TF: variants seen among roughly 807,000 people sequenced by gnomAD.
TF encodes serotransferrin.
TF carries 55 observed loss-of-function variants against 82.4 expected under a neutral mutation model. The ratio of observed to expected loss-of-function variants is 0.67; its 90% confidence interval spans 0.54 to 0.84. The LOEUF (loss-of-function observed/expected upper bound fraction) is 0.84, where lower values mean the gene tolerates loss of function less well. Among genes scored for constraint, TF ranks in the 40% least tolerant of loss-of-function variants. The pLI is 0.00. For synonymous variants in TF, 332 were observed against 332.6 expected (o/e 1.00, Z 0.02); for missense variants, 737 against 868.4 (o/e 0.85, Z 1.90).
At chr3:133,729,921 G>C in the TF span, among the ~76,000 whole-genome samples, 1 of 151,920 alleles carries the variant, frequency 6.6e-6, no homozygotes, top group African/African-American at 2.4e-5. Flanking sequence ...GTATCCCACT[G>C]ATCTTCCTTA....
At chr3:133,739,434 G>A in the TF span, among the ~76,000 whole-genome samples, 33 of 152,220 alleles carry the variant, frequency 2.2e-4, no homozygotes, top group African/African-American at 7.7e-4. Context: ...AACACCAAAA[G>A]CAATGGCGAC....
chr3:133,764,137 G>A, intron 9 of TF, 45 bp from the exon 10 acceptor site: 3 of 1,563,736 alleles, frequency 1.9e-6, no homozygotes, highest in Non-Finnish European at 2.6e-6. Context: ...GGTGGCACAG[G>A]AAACAGCCTC....
At chr3:133,672,739 GGGAAGGGGAGGGAAA>G in the TF span, among the ~76,000 whole-genome samples, 37 of 143,142 alleles carry the variant, frequency 2.6e-4, no homozygotes, top group Non-Finnish European at 3.4e-4. Context: ...GGGAAGGGAG[GGGAAGGGGAGGGAAA>G]GGAAGGGGAG....
the TF span, among the ~76,000 whole-genome samples, chr3:133,717,507 A>G: frequency 6.6e-6 from 1 of 152,150 alleles, no homozygotes; most frequent in African/African-American, 2.4e-5. Flanking sequence ...CTGGAGGGAA[A>G]TGTTTGCAAC....
chr3:133,731,271 G>C, the TF span, among the ~76,000 whole-genome samples: 1 of 152,184 alleles, frequency 6.6e-6, no homozygotes, highest in Non-Finnish European at 1.5e-5. Flanking sequence ...CTTGGGACTT[G>C]ACCTGTCTTG....
At chr3:133,760,889 T>C (rs534317966) in intron 9 of TF, 1 of 152,594 alleles carries the variant, frequency 6.6e-6, no homozygotes, top group Non-Finnish European at 1.5e-5. Flanking sequence ...CCAGGGCCCA[T>C]GGATTAATGA....
In TF at chr3:133,770,239, C is replaced by T. The variant is rs369310476; in HGVS notation, c.1623-269C>T. On this transcript the variant is annotated intron_variant, in intron 13 of 16. Coordinates refer to ENST00000402696, the MANE Select transcript of TF (RefSeq NM_001063.4). ...CACTGAAAATCAATTCCCTACTATC[C>T]TTGTTGATGTCAGGGAAATTATGTC... Among the ~76,000 whole-genome samples the T allele has an allele frequency of 1.5e-4, 23 of 152,270 alleles. 1 individual carries two copies. Among genetic ancestry groups the T allele is most frequent in the East Asian group, 3.9e-4 (2 of 5,190 alleles).
the TF span, among the ~76,000 whole-genome samples, chr3:133,719,147 T>C: frequency 6.6e-6 from 1 of 152,218 alleles, no homozygotes; most frequent in Non-Finnish European, 1.5e-5. Context: ...TATAGTGATA[T>C]ACATTCACTT....
chr3:133,765,685 G>T (rs2107925184), intron 11 of TF, among the ~76,000 whole-genome samples: 1 of 152,252 alleles, frequency 6.6e-6, no homozygotes, highest in South Asian at 2.1e-4. Flanking sequence ...GTTTTCTGTT[G>T]GAAACTGTAA....
chr3:133,750,440 A>G (rs1043015834), intron 2 of TF, among the ~76,000 whole-genome samples: 1 of 122,432 alleles, frequency 8.2e-6, no homozygotes, highest in Non-Finnish European at 1.7e-5. Context: ...GCTTCCCTCA[A>G]TCCCCGCGCT....
At position 133,767,801 on chromosome 3, in the gene TF, A is replaced by C. The variant is rs1160321680; in HGVS notation, c.1487-228A>C. Among the ~76,000 whole-genome samples, 6 of 152,194 alleles carry C rather than the reference A, an allele frequency of 3.9e-5. No homozygotes were observed. In the East Asian group the frequency reaches 1.2e-3, roughly 29 times the overall value. On this transcript the variant is annotated intron_variant, in intron 12 of 16. Transcript: ENST00000402696. ...GTGATGACATCATTATTGTGCTCAAATAAATCCCCTCTGCCCTGAATTGTA... is the reference window on the plus strand; with the variant it reads ...GTGATGACATCATTATTGTGCTCAACTAAATCCCCTCTGCCCTGAATTGTA...
At chr3:133,771,654 G>A (rs1358551261) in intron 14 of TF, among the ~76,000 whole-genome samples, 4 of 149,228 alleles carry the variant, frequency 2.7e-5, no homozygotes, top group Non-Finnish European at 3.0e-5. Flanking sequence ...GGAGAATGGC[G>A]TGAACCTGGG....
the TF span, among the ~76,000 whole-genome samples, chr3:133,723,418 C>G: frequency 6.7e-6 from 1 of 149,292 alleles, no homozygotes; most frequent in Non-Finnish European, 1.5e-5. Context: ...ATGTGAATAT[C>G]TGTTCACTGA....
At chr3:133,665,451 G>C in the TF span, among the ~76,000 whole-genome samples, 1 of 139,440 alleles carries the variant, frequency 7.2e-6, no homozygotes, top group African/African-American at 2.7e-5. Flanking sequence ...TGGGATAACA[G>C]AGTGAGACCC....
At chr3:133,758,965 C>G (rs41295780) in intron 8 of TF, among the ~76,000 whole-genome samples, 1 of 152,114 alleles carries the variant, frequency 6.6e-6, no homozygotes, top group Non-Finnish European at 1.5e-5. Flanking sequence ...GTTGGCTTCT[C>G]GGAAGACATA....
chr3:133,726,836 C>T, the TF span, among the ~76,000 whole-genome samples: 60 of 151,982 alleles, frequency 3.9e-4, no homozygotes, highest in African/African-American at 1.2e-3. Context: ...TGAATGCGTC[C>T]CAGAGATTCT....
In TF at chr3:133,792,308, CA is replaced by C. The variant is rs1343530394; in HGVS notation, c.*13691del. ...GGATGTTTAGGACAAGTTAGAAAGT[CA>C]AAGCATGTCGTAGATGGTCTGTGTA... is the stretch of plus-strand genomic sequence containing the variant. On this transcript the variant is annotated 3_prime_UTR_variant, in exon 17 of 17. Transcript: ENST00000402696. The C allele has an allele frequency of 2.0e-5, 3 of 152,250 alleles. No homozygotes were observed. Among genetic ancestry groups the C allele is most frequent in the South Asian group, 4.2e-4 (2 of 4,816 alleles). The allele number at this position is 152,250 out of a possible 1,614,324, so 9.4% of individuals were successfully genotyped here. A position where few individuals can be genotyped will look rare whatever the true frequency, so the allele number is the denominator to read the frequency against.
chr3:133,775,440 C>A lies in TF; in HGVS notation c.1695C>A (p.Asn565Lys), dbSNP rs1326236551. 1 of 1,614,216 alleles carries A rather than the reference C, an allele frequency of 6.2e-7. No homozygotes were observed. Among genetic ancestry groups the A allele is most frequent in the Non-Finnish European group, 8.5e-7 (1 of 1,180,038 alleles). ...CCTTCTTCCTGTCCCTAGGAAAAAA[C>A]CCTGATCCATGGGCTAAGAATCTGA... ...QTVPQNTGGK[N>K]PDPWAKNLNE... Residue 565 changes from asparagine to lysine, a missense_variant, in exon 15 of 17, where the codon AAC becomes AAA. Coordinates refer to ENST00000402696, the MANE Select transcript of TF (RefSeq NM_001063.4).
rs551137414 is a variant in TF, at chr3:133,764,773, C to A, written c.1298-102C>A. On this transcript the variant is annotated intron_variant, in intron 10 of 16. Coordinates refer to ENST00000402696, the MANE Select transcript of TF (RefSeq NM_001063.4). Reference sequence around the variant, plus strand: ...ATTGATGACATGTATAGATAATTTTCTCTGACTTTCTTTATTCTTAGCTGC... The same window carrying A: ...ATTGATGACATGTATAGATAATTTTATCTGACTTTCTTTATTCTTAGCTGC... 1.1e-5 allele frequency: 13 copies of A among 1,180,152 alleles called. No individual in the cohort carries two copies. In the African/African-American group the frequency reaches 1.8e-4, roughly 16 times the overall value. 73.1% of individuals were successfully genotyped at this position (1,180,152 alleles called of 1,614,324 possible).
Sources: gnomAD v4.1 joint callset for allele counts (sites outside exome capture counted in the v4.1 genomes callset) on GRCh38, gnomAD v4.1.1 for gene constraint, MANE v1.5 for transcripts, NCBI Gene and HGNC (gene_info 2026-07-23, HGNC 2026-07-21) for gene names.